Variants in ASMT observed in about 807,000 individuals in gnomAD.
ASMT encodes acetylserotonin O-methyltransferase, also known as acetylserotonin N-methyltransferase.
In ASMT, 53 loss-of-function variants were observed where a neutral mutation model predicts 41.3. The observed-to-expected ratio is 1.28, with a 90% confidence interval of 1.03 to 1.61. The LOEUF is 1.61. Ranked by LOEUF, ASMT falls within the 40% of genes most tolerant of loss-of-function variation. The pLI, the probability that ASMT is intolerant of heterozygous loss-of-function variation, is 0.00. For missense variants in ASMT, 531 were observed against 441.3 expected, an observed-to-expected ratio of 1.20 and a Z score of -1.82; for synonymous variants, 231 against 184.8, an observed-to-expected ratio of 1.25 and a Z score of -2.03.
chrX:1,624,064 C>CG, intron 2 of ASMT: 1 of 186,124 alleles, frequency 5.4e-6, no homozygotes, highest in Non-Finnish European at 1.0e-5. Flanking sequence ...AAACCGAACC[C>CG]GACGGGGGTG....
chrX:1,615,673 A>G (rs1311169367), intron 1 of ASMT, among the ~76,000 whole-genome samples: 3 of 151,928 alleles, frequency 2.0e-5, no homozygotes, highest in Admixed American at 1.3e-4. Context: ...TTGGTGGTAC[A>G]TGCCTATAAT....
At chrX:1,628,128 C>G (rs771630640) in intron 4 of ASMT, 88 of 329,368 alleles carry the variant, frequency 2.7e-4, no homozygotes, top group African/African-American at 1.8e-3. Flanking sequence ...CGAGACCAGC[C>G]TGGCCAACAG....
intron 2 of ASMT, 49 bp from the exon 3 acceptor site, chrX:1,624,220 G>T: frequency 6.2e-7 from 1 of 1,613,104 alleles, no homozygotes. Context: ...CCGCCGGCAG[G>T]AACTCGGAAT....
At chrX:1,629,205 T>C (rs1315231783) in intron 4 of ASMT, among the ~76,000 whole-genome samples, 2 of 152,168 alleles carry the variant, frequency 1.3e-5, no homozygotes, top group Non-Finnish European at 2.9e-5. Context: ...AGGCTTTTAG[T>C]GTGCCCATCA....
rs769797822 is a variant in ASMT at position 1,629,738 on chromosome X, C to G, written c.444-83C>G. 144 of 1,289,944 alleles carry G rather than the reference C, an allele frequency of 1.1e-4. 4 individuals are homozygous for G. In the South Asian group the frequency reaches 1.6e-3, roughly 15 times the overall value. 79.9% of individuals were successfully genotyped at this position (1,289,944 alleles called of 1,614,324 possible). On this transcript the variant is annotated intron_variant, in intron 4 of 8. Transcript: ENST00000381241. ...TGCACCTGTGGGGTATAGCTCCGTT[C>G]TCAACAGGGGGTTATGTACACCCTT... is the stretch of plus-strand genomic sequence containing the variant.
intron 1 of ASMT, among the ~76,000 whole-genome samples, chrX:1,619,063 A>G (rs1934239821): frequency 6.6e-6 from 1 of 152,180 alleles, no homozygotes. Flanking sequence ...TGCAGCTTTC[A>G]TAGACCAAGA....
At chrX:1,642,310 C>T (rs758592688) in intron 8 of ASMT, among the ~76,000 whole-genome samples, 2 of 147,732 alleles carry the variant, frequency 1.4e-5, no homozygotes, top group African/African-American at 5.0e-5. Flanking sequence ...GAGGTCCATA[C>T]ATCCTGATGG....
intron 7 of ASMT, chrX:1,636,096 C>T: frequency 8.4e-6 from 3 of 358,182 alleles, no homozygotes; most frequent in South Asian, 6.7e-5. Context: ...GCTGGGACCA[C>T]AGGCACCCGC....
Position 1,619,589 on chromosome X carries a change from A to AT in ASMT, c.70-3550_70-3549insT, listed in dbSNP as rs1342931676. 7.0e-3 allele frequency among the ~76,000 whole-genome samples: 1,024 copies of AT among 146,720 alleles called. 19 individuals carry two copies. The highest frequency in any genetic ancestry group is 0.024 in the African/African-American group (956 of 40,244). ...AATAATAATAATAATAATAATAATA[A>AT]AAAGTCTTTGGGAGCAGAAAAAAAA... On this transcript the variant is annotated intron_variant, in intron 1 of 8. Coordinates refer to ENST00000381241, the MANE Select transcript of ASMT (RefSeq NM_001171038.2).
intron 7 of ASMT, among the ~76,000 whole-genome samples, chrX:1,633,642 ATTT>A (rs35471677): frequency 7.6e-6 from 1 of 131,674 alleles, no homozygotes. Context: ...CATCCAGCTA[ATTT>A]TTTTTTTTTT....
At chrX:1,642,015 G>C (rs1434211109) in intron 8 of ASMT, among the ~76,000 whole-genome samples, 1 of 148,888 alleles carries the variant, frequency 6.7e-6, no homozygotes. Context: ...CAGCCTCTGT[G>C]TGTAATGGGG....
rs1390313533 is a variant in ASMT at position 1,641,746 on chromosome X, T to G, written c.911-1057T>G. ...GAGGTCCACCCATCCTGGTGGTCCA[T>G]GAGTACATGGACACAGCCTCTCTGT... On this transcript the variant is annotated intron_variant, in intron 8 of 8. Transcript: ENST00000381241. Among the ~76,000 whole-genome samples the G allele has an allele frequency of 3.4e-5, 5 of 148,500 alleles. 1 individual carries two copies. The highest frequency in any genetic ancestry group is 7.4e-5 in the Non-Finnish European group (5 of 67,436).
At chrX:1,636,278 C>G (rs1454600605) in intron 7 of ASMT, 160 bp from the exon 8 acceptor site, 1 of 1,089,632 alleles carries the variant, frequency 9.2e-7, no homozygotes, top group South Asian at 1.3e-5. Context: ...TTATCTTTCT[C>G]CTAAGCCTTT....
chrX:1,630,022 T>C, intron 5 of ASMT, 83 bp downstream of exon 5: 1 of 1,202,942 alleles, frequency 8.3e-7, no homozygotes, highest in East Asian at 2.3e-5. Flanking sequence ...TTTTATTTTC[T>C]GCATTCTGAT....
chrX:1,630,493 G>A (rs1934733971), intron 5 of ASMT, among the ~76,000 whole-genome samples: 1 of 152,000 alleles, frequency 6.6e-6, no homozygotes. Flanking sequence ...TTTTAATAGA[G>A]ACGGGGTTTT....
Position 1,624,781 on chromosome X carries a change from A to C in ASMT, c.374+383A>C, listed in dbSNP as rs61255180. On this transcript the variant is annotated intron_variant, in intron 3 of 8. Transcript: ENST00000381241. ...GGCAGATGCTGGGAGGTGGGGGCTG[A>C]CCCCAGGCAGATGCTGGGAGGTGGG... Among the ~76,000 whole-genome samples the C allele has an allele frequency of 1.1e-3, 37 of 33,678 alleles. 1 individual carries two copies. The highest frequency in any genetic ancestry group is 1.2e-3 in the African/African-American group (9 of 7,564). The allele number at this position is 33,678 out of a possible 152,430, so 22.1% of individuals were successfully genotyped here. A position where few individuals can be genotyped will look rare whatever the true frequency, so the allele number is the denominator to read the frequency against.
In ASMT at chrX:1,641,530, T is replaced by C. The variant is rs1281807950; in HGVS notation, c.911-1273T>C. Reference sequence around the variant, plus strand: ...GTGAGCACAGCCTCTGTGTGTGTGTTGGGGACAGTGTCCCAGTTCTCCTGT... The same window carrying C: ...GTGAGCACAGCCTCTGTGTGTGTGTCGGGGACAGTGTCCCAGTTCTCCTGT... On this transcript the variant is annotated intron_variant, in intron 8 of 8. Transcript: ENST00000381241. Among the ~76,000 whole-genome samples the C allele has an allele frequency of 1.8e-4, 27 of 147,010 alleles. 2 individuals carry two copies.
chrX:1,627,281 G>A (rs767327483), intron 3 of ASMT, among the ~76,000 whole-genome samples: 13 of 149,798 alleles, frequency 8.7e-5, no homozygotes, highest in East Asian at 3.9e-4. Flanking sequence ...AGCCAAGATC[G>A]TGCCATTGCA....
At chrX:1,637,028 G>A (rs1425306897) in intron 8 of ASMT, among the ~76,000 whole-genome samples, 1 of 96,128 alleles carries the variant, frequency 1.0e-5, no homozygotes, top group African/African-American at 4.8e-5. Flanking sequence ...CAGCTCTCCT[G>A]TGAGGTCCAT....
Sources: allele counts gnomAD v4.1 joint callset (sites outside exome capture counted in the v4.1 genomes callset), GRCh38; gene constraint gnomAD v4.1.1; transcripts MANE v1.5; gene names NCBI Gene and HGNC (gene_info 2026-07-23, HGNC 2026-07-21).